The following TTC21B variants were observed in gnomAD, a reference collection of about 807,000 sequenced individuals.
TTC21B encodes tetratricopeptide repeat protein 21B.
Under a neutral mutation model 175.1 loss-of-function variants are expected in TTC21B, and 127 were observed. The ratio of observed to expected loss-of-function variants is 0.73; its 90% CI spans 0.63 to 0.84. The LOEUF (loss-of-function observed/expected upper bound fraction) is 0.84. Ranked by LOEUF, TTC21B falls within the 40% of genes least tolerant of loss-of-function variation. TTC21B has a pLI of 0.00. For missense variants in TTC21B, 1,561 were observed against 1,558.3 expected (o/e 1.00, Z -0.03); for synonymous variants, 524 against 524.5 (o/e 1.00, Z 0.01).
rs971283288 is a variant in TTC21B, at chr2:165,929,220, G to C, written c.1301C>G (p.Pro434Arg). 3 of 1,612,850 alleles carry C rather than the reference G, an allele frequency of 1.9e-6. No homozygotes were observed. Among genetic ancestry groups the C allele is most frequent in the African/African-American group, 1.3e-5 (1 of 74,874 alleles). ...CTTTTCAAAATACTGTATGCCAAGA[G>C]GCAAACCTTCTAATTGTGAAAAGTG... ...DTHFSQLEGL[P>R]LGIQYFEKLN... The change falls in exon 11 of 29, where the codon CCT becomes CGT. Residue 434 changes from proline (P) to arginine (R), a missense_variant. Pro to Arg is a moderately radical substitution (Grantham distance 103, BLOSUM62 -2). Coordinates refer to ENST00000243344, the MANE Select transcript of TTC21B (RefSeq NM_024753.5).
intron 1 of TTC21B, among the ~76,000 whole-genome samples, chr2:165,953,439 G>T (rs949674661): frequency 6.6e-6 from 1 of 152,202 alleles, no homozygotes; most frequent in African/African-American, 2.4e-5. Context: ...CAACAGCATG[G>T]GGACCAGCAA....
At position 165,894,281 on chromosome 2, in the gene TTC21B, G is replaced by A. The variant is rs530728011; in HGVS notation, c.2951-3293C>T. 6.9e-4 allele frequency among the ~76,000 whole-genome samples: 105 copies of A among 152,290 alleles called. 1 individual carries two copies. Among genetic ancestry groups the A allele is most frequent in the African/African-American group, 2.5e-3 (102 of 41,566 alleles). ...AGAGAAAAGGGGCAATCTGTCGTGA[G>A]AGCAGTAATTAGATCTAGAAGAGGA... is the stretch of plus-strand genomic sequence containing the variant. On this transcript the variant is annotated intron_variant, in intron 22 of 28. Coordinates refer to ENST00000243344, the MANE Select transcript of TTC21B (RefSeq NM_024753.5).
chr2:165,913,690 T>C (rs770375679), intron 15 of TTC21B, 44 bp from the exon 16 acceptor site: 9 of 1,457,964 alleles, frequency 6.2e-6, no homozygotes, highest in East Asian at 2.3e-5. Context: ...AACACAGATA[T>C]CTTCTTCCAA....
chr2:165,894,767 T>G (rs1331357525), intron 22 of TTC21B, among the ~76,000 whole-genome samples: 1 of 152,204 alleles, frequency 6.6e-6, no homozygotes, highest in Non-Finnish European at 1.5e-5. Flanking sequence ...GCCACATCCA[T>G]GTGTGTGGCA....
At chr2:165,927,591 C>T (rs1686726657) in intron 11 of TTC21B, among the ~76,000 whole-genome samples, 1 of 150,358 alleles carries the variant, frequency 6.7e-6, no homozygotes, top group Admixed American at 6.7e-5. Context: ...TGGGTATTTC[C>T]CCAGCTCTAA....
Position 165,890,474 on chromosome 2 carries a change from C to G in TTC21B, c.3263+5G>C. The G allele has an allele frequency of 6.2e-7, 1 of 1,613,052 alleles. No homozygotes were observed. The highest frequency in any genetic ancestry group is 2.2e-5 in the East Asian group (1 of 44,768). On this transcript the variant is annotated splice_donor_5th_base_variant and intron_variant, in intron 24 of 28. Coordinates refer to ENST00000243344, the MANE Select transcript of TTC21B (RefSeq NM_024753.5). ...TAAAAAAGGATAATATGTCAAATAA[C>G]TCACCCCAGGTCTCCATCCAGGTTT...
At chr2:165,942,375 C>A (rs1461939979) in intron 5 of TTC21B, among the ~76,000 whole-genome samples, 1 of 152,148 alleles carries the variant, frequency 6.6e-6, no homozygotes, top group Non-Finnish European at 1.5e-5. Context: ...TAAATATTTC[C>A]ATCCATCAGT....
chr2:165,929,844 C>T lies in TTC21B; in HGVS notation c.1088-97G>A, dbSNP rs1420857953. 10 of 822,356 alleles carry T rather than the reference C, an allele frequency of 1.2e-5. No homozygotes were observed. In the East Asian group the frequency reaches 2.3e-4, roughly 19 times the overall value. The allele number at this position is 822,356 out of a possible 1,614,324, so 50.9% of individuals were successfully genotyped here. A position where few individuals can be genotyped will look rare whatever the true frequency, so the allele number is the denominator to read the frequency against. ...CAACATTAATAAAACACCCTTTCCCCCATCACAATACTTAACGTTTTAGAT... is the reference window on the plus strand; with the variant it reads ...CAACATTAATAAAACACCCTTTCCCTCATCACAATACTTAACGTTTTAGAT... On this transcript the variant is annotated intron_variant, in intron 9 of 28. Coordinates refer to ENST00000243344, the MANE Select transcript of TTC21B (RefSeq NM_024753.5).
intron 3 of TTC21B, among the ~76,000 whole-genome samples, chr2:165,946,799 C>T (rs1055552708): frequency 5.3e-5 from 8 of 152,104 alleles, no homozygotes; most frequent in East Asian, 1.9e-4. Flanking sequence ...GATTGCACCA[C>T]TGCACTCCAG....
intron 11 of TTC21B, among the ~76,000 whole-genome samples, chr2:165,927,294 T>A (rs1559064871): frequency 3.6e-5 from 3 of 83,226 alleles, no homozygotes; most frequent in African/African-American, 1.6e-4. Flanking sequence ...ATCCTAGTAG[T>A]TATATATATA....
Position 165,941,148 on chromosome 2 carries a change from C to T in TTC21B, c.589G>A (p.Ala197Thr). The change falls in exon 6 of 29, where the codon GCC becomes ACC. Residue 197 changes from alanine (A) to threonine (T), a missense_variant. By Grantham distance (58) the Ala-to-Thr change is moderately conservative (BLOSUM62 0). Transcript: ENST00000243344. The stretch of plus-strand genomic sequence containing the variant: ...ATTATCTGGTTCACAGTCTCCAGGG[C>T]ACCTGAATAATTCTGGCGCATCTCA... ...CLEMRQNYSG[A>T]LETVNQIIVN... 1 of 1,613,900 alleles carries T rather than the reference C, an allele frequency of 6.2e-7. No individual in the cohort carries two copies. Among genetic ancestry groups the T allele is most frequent in the Non-Finnish European group, 8.5e-7 (1 of 1,179,850 alleles).
At chr2:165,934,302 C>G (rs1470096962) in intron 6 of TTC21B, among the ~76,000 whole-genome samples, 1 of 151,258 alleles carries the variant, frequency 6.6e-6, no homozygotes, top group Non-Finnish European at 1.5e-5. Flanking sequence ...GCCAACAAAA[C>G]TGTTATAAGA....
Position 165,924,732 on chromosome 2 carries a change from T to TA in TTC21B, c.1387-55dup, listed in dbSNP as rs58208220. ...TATAAGTGTAAAAATAATATTTACC[T>TA]AAAATAAACATATATTAATTTTAGT... On this transcript the variant is annotated intron_variant, in intron 11 of 28. Transcript: ENST00000243344. 0.36 allele frequency: 556,877 copies of TA among 1,546,144 alleles called. 104,996 individuals carry two copies. The highest frequency in any genetic ancestry group is 0.39 in the Non-Finnish European group (444,862 of 1,140,830).
At chr2:165,921,299 A>T (rs950220074) in intron 12 of TTC21B, among the ~76,000 whole-genome samples, 3 of 152,094 alleles carry the variant, frequency 2.0e-5, no homozygotes, top group African/African-American at 7.2e-5. Flanking sequence ...AGCTAGGGAC[A>T]CCAAACCTTG....
chr2:165,890,385 T>C (rs535024733), intron 24 of TTC21B, 94 bp downstream of exon 24: 66 of 1,167,096 alleles, frequency 5.7e-5, no homozygotes, highest in Non-Finnish European at 6.1e-5. Flanking sequence ...CCTTTCATTA[T>C]TGCTATCCTA....
chr2:165,936,944 C>T (rs1292989751), intron 6 of TTC21B, among the ~76,000 whole-genome samples: 1 of 151,932 alleles, frequency 6.6e-6, no homozygotes, highest in Non-Finnish European at 1.5e-5. Context: ...AATTATGTTC[C>T]TTGGCATTTG....
chr2:165,930,732 G>GTGT lies in TTC21B; in HGVS notation c.895-369_895-368insACA. ...TATTTTATGGTTACGTGGGTATGGG[G>GTGT]GTGTGTGTGTGTGTGTGTGTGTGTG... is the stretch of plus-strand genomic sequence containing the variant. On this transcript the variant is annotated intron_variant, in intron 8 of 28. Coordinates refer to ENST00000243344, the MANE Select transcript of TTC21B (RefSeq NM_024753.5). 7.9e-4 allele frequency among the ~76,000 whole-genome samples: 87 copies of GTGT among 110,230 alleles called. 2 individuals are homozygous for GTGT. The highest frequency in any genetic ancestry group is 4.6e-3 in the Middle Eastern group (1 of 218). 72.3% of individuals were successfully genotyped at this position (110,230 alleles called of 152,430 possible). A position where few individuals can be genotyped will look rare whatever the true frequency, so the allele number is the denominator to read the frequency against.
At chr2:165,926,603 A>G (rs1041215455) in intron 11 of TTC21B, among the ~76,000 whole-genome samples, 1 of 152,120 alleles carries the variant, frequency 6.6e-6, no homozygotes, top group African/African-American at 2.4e-5. Context: ...ACTTGATTGT[A>G]CTGAAGGATG....
At chr2:165,921,658 C>T (rs142467289) in intron 12 of TTC21B, among the ~76,000 whole-genome samples, 110 of 152,158 alleles carry the variant, frequency 7.2e-4, no homozygotes, top group Middle Eastern at 3.4e-3. Flanking sequence ...GGGACTGTGC[C>T]CTTAACCTTT....
Sources: gnomAD v4.1 joint callset for allele counts (sites outside exome capture counted in the v4.1 genomes callset) on GRCh38, gnomAD v4.1.1 for gene constraint, MANE v1.5 for transcripts, NCBI Gene and HGNC (gene_info 2026-07-23, HGNC 2026-07-21) for gene names.